PGK1: variants seen among roughly 807,000 people sequenced by gnomAD.
The protein encoded by PGK1 is phosphoglycerate kinase 1.
A neutral mutation model predicts 26.9 loss-of-function variants in PGK1; 3 were observed. The ratio of observed to expected loss-of-function variants is 0.11; its 90% CI spans 0.05 to 0.29. The LOEUF (loss-of-function observed/expected upper bound fraction) is 0.29, where lower values mean the gene tolerates loss of function less well. PGK1 is among the 10% of genes least tolerant of loss of function. The pLI, the probability that PGK1 is intolerant of heterozygous loss-of-function variation, is 1.00. For missense variants in PGK1, 270 were observed against 314.7 expected, an observed-to-expected ratio of 0.86 and a Z score of 1.07; for synonymous variants, 125 against 115.3, an observed-to-expected ratio of 1.08 and a Z score of -0.54.
rs372596607 is a variant in PGK1 at position 78,122,796 on chromosome X, C to T, written c.642-39C>T. On this transcript the variant is annotated intron_variant, in intron 6 of 10. Transcript: ENST00000373316. ...TCTATGTAATACCACTTCTCTAGTC[C>T]ATTCTTCTTTAAGTGATGATTCTTG... The T allele has an allele frequency of 3.6e-5, 28 of 769,064 alleles. No homozygotes were observed. In the African/African-American group the frequency reaches 5.8e-4, roughly 16 times the overall value. 63.4% of individuals were successfully genotyped at this position (769,064 alleles called of 1,213,427 possible). A position where few individuals can be genotyped will look rare whatever the true frequency, so the allele number is the denominator to read the frequency against.
At chrX:78,107,970 A>G in intron 1 of PGK1, among the ~76,000 whole-genome samples, 1 of 111,362 alleles carries the variant, frequency 9.0e-6, no homozygotes, top group African/African-American at 3.3e-5. Context: ...ACGAAAAAAA[A>G]AAAAAAGAAA....
At chrX:78,109,190 G>A (rs951068310) in intron 1 of PGK1, among the ~76,000 whole-genome samples, 7 of 111,664 alleles carry the variant, frequency 6.3e-5, no homozygotes, top group Middle Eastern at 4.7e-3. Flanking sequence ...TGGGGCACAT[G>A]TCCCACCCTC....
At chrX:78,105,199 G>A (rs1557246066) in intron 1 of PGK1, among the ~76,000 whole-genome samples, 2 of 112,441 alleles carry the variant, frequency 1.8e-5, no homozygotes, top group Admixed American at 9.4e-5. Flanking sequence ...CTCTGCGCAT[G>A]TGGATCTCTA....
chrX:78,113,799 G>A lies in PGK1; in HGVS notation c.172G>A (p.Val58Ile). ...CTGCTTGGACAATGGAGCCAAGTCG[G>A]TAGTCCTTATGAGCCACCTAGGCCG... The part of the protein sequence containing the change: ...KFCLDNGAKS[V>I]VLMSHLGRPD... Residue 58 changes from valine to isoleucine, a missense_variant, in exon 3 of 11, where the codon GTA becomes ATA. Val to Ile is a conservative substitution (Grantham distance 29). Around this residue, in one of 3 missense-constraint regions of PGK1, gnomAD observed 150 missense variants for 154.6 expected, o/e 0.97. Coordinates refer to ENST00000373316, the MANE Select transcript of PGK1 (RefSeq NM_000291.4). 1 of 1,208,361 alleles carries A rather than the reference G, an allele frequency of 8.3e-7. No individual in the cohort carries two copies. Among genetic ancestry groups the A allele is most frequent in the Non-Finnish European group, 1.1e-6 (1 of 892,499 alleles).
At chrX:78,113,472 C>T (rs782181605) in intron 2 of PGK1, among the ~76,000 whole-genome samples, 1 of 111,749 alleles carries the variant, frequency 8.9e-6, no homozygotes, top group Non-Finnish European at 1.9e-5. Flanking sequence ...TCTAATCTTG[C>T]AGACAGGTCC....
chrX:78,123,386 G>C lies in PGK1; in HGVS notation c.936+12G>C, dbSNP rs782097865. On this transcript the variant is annotated intron_variant, in intron 8 of 10. Transcript: ENST00000373316. ...CTGCTGGCTGGATGGTGAGTCACTT[G>C]AGTGGGTTGGTAGTGTGAGTGAACA... The C allele has an allele frequency of 1.7e-6, 2 of 1,181,776 alleles. No individual in the cohort carries two copies. Among genetic ancestry groups the C allele is most frequent in the South Asian group, 3.6e-5 (2 of 55,765 alleles).
intron 4 of PGK1, among the ~76,000 whole-genome samples, chrX:78,117,097 T>A (rs781782919): frequency 9.0e-6 from 1 of 111,156 alleles, no homozygotes; most frequent in African/African-American, 3.3e-5. Flanking sequence ...AGGTTTGCAA[T>A]TTGAGGGAAG....
At chrX:78,118,601 T>TAAATAAATAAATAAATAAATAAATAAAC (rs1272522622) in intron 6 of PGK1, among the ~76,000 whole-genome samples, 1 of 109,005 alleles carries the variant, frequency 9.2e-6, no homozygotes, top group African/African-American at 3.3e-5. Flanking sequence ...AATAAATAAA[T>TAAATAAATAAATAAATAAATAAATAAAC]AAACAAACAA....
intron 6 of PGK1, among the ~76,000 whole-genome samples, chrX:78,120,499 AT>A (rs1295039528): frequency 1.4e-4 from 15 of 106,133 alleles, no homozygotes; most frequent in East Asian, 5.8e-4. Flanking sequence ...CTATATATAG[AT>A]TTTTTTTTTT....
chrX:78,119,236 T>C (rs1557247776), intron 6 of PGK1, among the ~76,000 whole-genome samples: 1 of 112,123 alleles, frequency 8.9e-6, no homozygotes, highest in Non-Finnish European at 1.9e-5. Context: ...ACCTCATTTC[T>C]CCAGATTACA....
chrX:78,120,603 T>C (rs1319414963), intron 6 of PGK1, among the ~76,000 whole-genome samples: 1 of 109,930 alleles, frequency 9.1e-6, no homozygotes, highest in African/African-American at 3.3e-5. Flanking sequence ...CAAGCGATCC[T>C]CCCACCTCAG....
Position 78,125,967 on chromosome X carries a change from A to G in PGK1, c.*137A>G. Reference sequence around the variant, plus strand: ...AAGAGATGCAGTGCCAGGAACCCTTAAACAGTTGCACAGCATCTCAGCTCA... The same window carrying G: ...AAGAGATGCAGTGCCAGGAACCCTTGAACAGTTGCACAGCATCTCAGCTCA... On this transcript the variant is annotated 3_prime_UTR_variant, in exon 11 of 11. Transcript: ENST00000373316. 1.7e-6 allele frequency: 1 copy of G among 572,271 alleles called. No individual in the cohort carries two copies. Among genetic ancestry groups the G allele is most frequent in the Non-Finnish European group, 3.1e-6 (1 of 321,129 alleles). The allele number at this position is 572,271 out of a possible 1,213,427, so 47.2% of individuals were successfully genotyped here.
At chrX:78,120,842 C>A (rs2078351542) in intron 6 of PGK1, among the ~76,000 whole-genome samples, 1 of 112,128 alleles carries the variant, frequency 8.9e-6, no homozygotes, top group East Asian at 2.8e-4. Flanking sequence ...CTTTCACTTA[C>A]ATAGGTTGAG....
intron 1 of PGK1, chrX:78,106,375 T>C: frequency 1.4e-6 from 1 of 740,198 alleles, no homozygotes; most frequent in Non-Finnish European, 1.6e-6. Flanking sequence ...CTGGATACCT[T>C]CTACTTATTT....
Position 78,125,352 on chromosome X carries a change from T to C in PGK1, c.1140T>C (p.Cys380=). The stretch of plus-strand genomic sequence containing the variant: ...GTGGTGGAGACACTGCCACTTGCTG[T>C]GCCAAATGGAACACGGAGGATAAAG... ...IIGGGDTATC[C]AKWNTEDKVS... is the part of the protein sequence containing the mutation. The change falls in exon 10 of 11, where the codon TGT becomes TGC. Residue 380 remains cysteine, a synonymous_variant. Coordinates refer to ENST00000373316, the MANE Select transcript of PGK1 (RefSeq NM_000291.4). 2 of 1,206,168 alleles carry C rather than the reference T, an allele frequency of 1.7e-6. No individual in the cohort carries two copies. Among genetic ancestry groups the C allele is most frequent in the Non-Finnish European group, 2.2e-6 (2 of 890,566 alleles).
In PGK1 at chrX:78,113,875, T is replaced by C. The variant is rs138851144; in HGVS notation, c.248T>C (p.Val83Ala). The change falls in exon 3 of 11, where the codon GTA becomes GCA. Residue 83 changes from valine (V) to alanine (A), a missense_variant. Physicochemically the swap from Val to Ala is moderately conservative, Grantham distance 64. Coordinates refer to ENST00000373316, the MANE Select transcript of PGK1 (RefSeq NM_000291.4). Reference protein sequence around the residue: ...PDKYSLEPVAVELKSLLGKDV... With the variant: ...PDKYSLEPVAAELKSLLGKDV... ...AAGTACTCCTTAGAGCCAGTTGCTG[T>C]AGAACTCAAATCTCTGCTGGGCAAG... 24 of 1,209,846 alleles carry C rather than the reference T, an allele frequency of 2.0e-5. No individual in the cohort carries two copies. Among genetic ancestry groups the C allele is most frequent in the African/African-American group, 5.2e-5 (3 of 57,206 alleles).
rs1308299552 is a variant in PGK1, at chrX:78,127,818, T to A, written c.*1988T>A. ...CATATTTGTAGTTAATTTTAAATTG[T>A]ACCATGTTTCTGCATACCTCTATGG... On this transcript the variant is annotated 3_prime_UTR_variant, in exon 11 of 11. Coordinates refer to ENST00000373316, the MANE Select transcript of PGK1 (RefSeq NM_000291.4). 3 of 112,724 alleles carry A rather than the reference T, an allele frequency of 2.7e-5. No homozygotes were observed. The highest frequency in any genetic ancestry group is 9.7e-5 in the African/African-American group (3 of 31,028). The allele number at this position is 112,724 out of a possible 1,213,427, so 9.3% of individuals were successfully genotyped here.
chrX:78,124,585 G>T (rs1189729275), intron 8 of PGK1, among the ~76,000 whole-genome samples: 2 of 111,405 alleles, frequency 1.8e-5, no homozygotes, highest in Non-Finnish European at 3.8e-5. Flanking sequence ...CTATTATGAA[G>T]GGGCAGAACT....
rs1285182252 is a variant in PGK1, at chrX:78,129,255, A to ATCTG, written c.*3428_*3429insGTCT. 4 of 110,338 alleles carry ATCTG rather than the reference A, an allele frequency of 3.6e-5. No individual in the cohort carries two copies. Among genetic ancestry groups the ATCTG allele is most frequent in the Non-Finnish European group, 5.7e-5 (3 of 52,626 alleles). 9.1% of individuals were successfully genotyped at this position (110,338 alleles called of 1,213,427 possible). On this transcript the variant is annotated 3_prime_UTR_variant, in exon 11 of 11. Coordinates refer to ENST00000373316, the MANE Select transcript of PGK1 (RefSeq NM_000291.4). ...TATCTATCTATCTATCTATCTATCT[A>ATCTG]TCTATCTGTATATAGATATATTAAA...
Sources: allele counts gnomAD v4.1 joint callset (sites outside exome capture counted in the v4.1 genomes callset), GRCh38; gene constraint gnomAD v4.1.1; regional missense constraint gnomAD v4.1.1; transcripts MANE v1.5; gene names NCBI Gene and HGNC (gene_info 2026-07-23, HGNC 2026-07-21).